Variants in TENM4 observed in about 807,000 individuals in gnomAD.
The protein encoded by TENM4 is teneurin-4.
TENM4 carries 82 observed loss-of-function variants against 243.3 expected under a neutral mutation model. That is an observed-to-expected ratio of 0.34 (90% CI 0.28 to 0.40). TENM4 has a LOEUF of 0.40. TENM4 is among the 10% of genes least tolerant of loss of function. The pLI, the probability that TENM4 is intolerant of heterozygous loss-of-function variation, is 1.00. For synonymous variants in TENM4, 1,412 were observed against 1,456.3 expected (o/e 0.97, Z 0.69); for missense variants, 3,138 against 3,673.3 (o/e 0.85, Z 3.77).
At chr11:78,941,483 T>C (rs573033337) in intron 6 of TENM4, among the ~76,000 whole-genome samples, 2 of 152,082 alleles carry the variant, frequency 1.3e-5, no homozygotes, top group Admixed American at 6.5e-5. Context: ...GGTGCCCAAG[T>C]AGGGAAAGGC....
chr11:79,195,554 A>C (rs1232267576), intron 3 of TENM4, among the ~76,000 whole-genome samples: 1 of 152,188 alleles, frequency 6.6e-6, no homozygotes, highest in Non-Finnish European at 1.5e-5. Flanking sequence ...TTGGAGCTTC[A>C]AAATTTGACT....
chr11:78,870,699 G>T (rs1002484729), intron 9 of TENM4, among the ~76,000 whole-genome samples: 1 of 152,120 alleles, frequency 6.6e-6, no homozygotes, highest in African/African-American at 2.4e-5. Context: ...AGGATTCATG[G>T]GTGCTGCTCA....
chr11:78,675,292 G>T (rs570454865), intron 30 of TENM4, among the ~76,000 whole-genome samples: 1 of 152,206 alleles, frequency 6.6e-6, no homozygotes, highest in South Asian at 2.1e-4. Context: ...AAGGGCAGGG[G>T]ACTTAAGAGA....
chr11:78,952,970 CTGT>C (rs1422511067), intron 6 of TENM4, among the ~76,000 whole-genome samples: 2 of 152,126 alleles, frequency 1.3e-5, no homozygotes, highest in African/African-American at 2.4e-5. Flanking sequence ...AATATAGGTA[CTGT>C]TGTTGTTAGC....
At chr11:78,673,357 T>G (rs1289483538) in intron 30 of TENM4, among the ~76,000 whole-genome samples, 1 of 152,188 alleles carries the variant, frequency 6.6e-6, no homozygotes, top group Non-Finnish European at 1.5e-5. Flanking sequence ...TATGGGACAT[T>G]TGGGCACATT....
intron 6 of TENM4, among the ~76,000 whole-genome samples, chr11:78,982,196 T>C (rs1323637128): frequency 6.6e-6 from 1 of 152,160 alleles, no homozygotes; most frequent in East Asian, 1.9e-4. Context: ...TCCTTGCATC[T>C]TCTGGTTGGC....
chr11:79,357,359 C>T (rs778981527), intron 1 of TENM4, among the ~76,000 whole-genome samples: 3 of 152,240 alleles, frequency 2.0e-5, no homozygotes, highest in Non-Finnish European at 2.9e-5. Context: ...ATAGCCAACT[C>T]TTACATCAGC....
At chr11:78,951,568 C>T (rs1857109181) in intron 6 of TENM4, among the ~76,000 whole-genome samples, 1 of 152,144 alleles carries the variant, frequency 6.6e-6, no homozygotes, top group African/African-American at 2.4e-5. Context: ...CTGGGAAGTC[C>T]AAGATCAAGG....
intron 12 of TENM4, among the ~76,000 whole-genome samples, chr11:78,830,278 C>T (rs1345067456): frequency 1.3e-5 from 2 of 152,208 alleles, no homozygotes; most frequent in South Asian, 2.1e-4. Context: ...CTGGACACCT[C>T]GGTGGTGCCC....
chr11:78,694,772 C>T (rs1293613847), intron 28 of TENM4, among the ~76,000 whole-genome samples: 1 of 152,184 alleles, frequency 6.6e-6, no homozygotes, highest in Non-Finnish European at 1.5e-5. Context: ...AAGCTAAGTC[C>T]GTGGTAGGCA....
chr11:78,763,731 C>T (rs7930334), intron 18 of TENM4, among the ~76,000 whole-genome samples: 41,315 of 152,170 alleles, frequency 0.27, 7,175 homozygotes, highest in African/African-American at 0.49. Flanking sequence ...CTTGGGCACA[C>T]CCTTCCTATG....
intron 14 of TENM4, among the ~76,000 whole-genome samples, chr11:78,808,610 C>T (rs920643925): frequency 1.3e-5 from 2 of 152,166 alleles, no homozygotes; most frequent in African/African-American, 4.8e-5. Context: ...TTTCCCCTTA[C>T]AATCTTACTG....
intron 4 of TENM4, among the ~76,000 whole-genome samples, chr11:79,116,482 T>C (rs1226590425): frequency 6.9e-6 from 1 of 145,686 alleles, no homozygotes; most frequent in African/African-American, 2.6e-5. Flanking sequence ...CAAGTTGACG[T>C]TGAACATAAT....
rs267603207 is a variant in TENM4 at position 78,658,145 on chromosome 11, G to A, written c.8223C>T (p.Phe2741=). The A allele has an allele frequency of 6.2e-6, 10 of 1,614,010 alleles. No homozygotes were observed. The highest frequency in any genetic ancestry group is 4.5e-5 in the East Asian group (2 of 44,870). Residue 2741 remains phenylalanine, a synonymous_variant, in exon 34 of 34, where the codon TTC becomes TTT. Coordinates refer to ENST00000278550, the MANE Select transcript of TENM4 (RefSeq NM_001098816.3). ...TGRVQGYDGF[F]VISVEQYPEL... is the part of the protein sequence containing the mutation. Reference sequence around the variant, plus strand: ...CTGGGTACTGCTCGACAGAGATCACGAAAAAGCCGTCGTAGCCTTGCACCC... The same window carrying A: ...CTGGGTACTGCTCGACAGAGATCACAAAAAAGCCGTCGTAGCCTTGCACCC...
Position 78,712,734 on chromosome 11 carries a change from C to G in TENM4, c.3822-20G>C, listed in dbSNP as rs199576994. 1 of 1,606,530 alleles carries G rather than the reference C, an allele frequency of 6.2e-7. No homozygotes were observed. Among genetic ancestry groups the G allele is most frequent in the African/African-American group, 1.3e-5 (1 of 74,768 alleles). On this transcript the variant is annotated intron_variant, in intron 25 of 33. Coordinates refer to ENST00000278550, the MANE Select transcript of TENM4 (RefSeq NM_001098816.3). ...CTGTGACTAGAAAACAAAGACATGG[C>G]CAACTGGTGAGCATTTTCTTCTTCC...
chr11:78,854,908 A>C (rs1467259775), intron 11 of TENM4, among the ~76,000 whole-genome samples: 3 of 152,210 alleles, frequency 2.0e-5, no homozygotes, highest in Non-Finnish European at 4.4e-5. Context: ...AAACTCTATC[A>C]ATAATTACAT....
rs79315824 is a variant in TENM4, at chr11:78,954,505, A to T, written c.494-50982T>A. On this transcript the variant is annotated intron_variant, in intron 6 of 33. Coordinates refer to ENST00000278550, the MANE Select transcript of TENM4 (RefSeq NM_001098816.3). ...TGTCAAAGAGGAAGTCTAAGTTGGG[A>T]ACTAGTGTGTTTTCACCACCTATCA... 1.8e-3 allele frequency among the ~76,000 whole-genome samples: 271 copies of T among 152,318 alleles called. 3 individuals carry two copies. Among genetic ancestry groups the T allele is most frequent in the African/African-American group, 6.1e-3 (254 of 41,564 alleles).
intron 12 of TENM4, among the ~76,000 whole-genome samples, chr11:78,848,324 T>C (rs888301006): frequency 6.6e-6 from 1 of 152,158 alleles, no homozygotes; most frequent in East Asian, 1.9e-4. Flanking sequence ...AATAAACTTT[T>C]TGCTTAGCGT....
At chr11:79,439,965 C>A (rs907015377) in intron 1 of TENM4, among the ~76,000 whole-genome samples, 1 of 151,970 alleles carries the variant, frequency 6.6e-6, no homozygotes, top group Non-Finnish European at 1.5e-5. Flanking sequence ...TTGCAGAGGG[C>A]GAGGAGCTGG....
Sources: gnomAD v4.1 joint callset for allele counts (sites outside exome capture counted in the v4.1 genomes callset) on GRCh38, gnomAD v4.1.1 for gene constraint, MANE v1.5 for transcripts, NCBI Gene and HGNC (gene_info 2026-07-23, HGNC 2026-07-21) for gene names.